GPR6: variants seen among roughly 807,000 people sequenced by gnomAD.
GPR6 encodes the protein G protein-coupled receptor 6, also known as sphingosine 1-phosphate receptor GPR6.
Under a neutral mutation model 18.5 loss-of-function variants are expected in GPR6, and 14 were observed. The observed-to-expected ratio is 0.76, with a 90% CI of 0.50 to 1.18. The LOEUF is 1.18. Ranked by LOEUF, GPR6 falls within the 50% of genes most tolerant of loss-of-function variation. GPR6 has a pLI of 0.00. For synonymous variants in GPR6, 299 were observed against 240.9 expected, an observed-to-expected ratio of 1.24 and a Z score of -2.23; for missense variants, 477 against 495.9, an observed-to-expected ratio of 0.96 and a Z score of 0.36.
rs1771041728 is a variant in GPR6, at chr6:109,979,783, G to C, written c.671G>C (p.Arg224Pro). 4 of 1,598,256 alleles carry C rather than the reference G, an allele frequency of 2.5e-6. No homozygotes were observed. The highest frequency in any genetic ancestry group is 3.4e-6 in the Non-Finnish European group (4 of 1,176,716). ...TGCAGCGTGGTGCGCCCGCTGGCGC[G>C]CAGCCACGTGGCTCTGCTCTCCGCC... ...AACSVVRPLA[R>P]SHVALLSAAF... Residue 224 changes from arginine (R) to proline (P), a missense_variant, in exon 2 of 2, where the codon CGC becomes CCC. Arg to Pro is a moderately radical substitution (Grantham distance 103). Coordinates refer to ENST00000275169, the MANE Select transcript of GPR6 (RefSeq NM_005284.5).
intron 1 of GPR6, 33 bp downstream of exon 1, chr6:109,978,500 A>C: frequency 2.2e-6 from 1 of 450,782 alleles, no homozygotes; most frequent in Non-Finnish European, 4.0e-6. Flanking sequence ...AACTTTGAGG[A>C]TGTGGGGAGA....
intron 1 of GPR6, chr6:109,978,788 G>C: frequency 6.5e-7 from 1 of 1,535,750 alleles, no homozygotes; most frequent in South Asian, 1.2e-5. Flanking sequence ...GACACTCCTA[G>C]CTTGGTGCAC....
Position 109,979,571 on chromosome 6 carries a change from C to A in GPR6, c.459C>A (p.Ala153=), listed in dbSNP as rs145599850. Residue 153 remains alanine, a synonymous_variant, in exon 2 of 2, where the codon GCC becomes GCA. Transcript: ENST00000275169. The part of the protein sequence containing the change: ...LTVGFLVASF[A]ASVSSLLAIT... ...TGGGCTTCCTCGTGGCCTCCTTCGC[C>A]GCCTCTGTCAGCAGCCTGCTGGCCA... 5.0e-6 allele frequency: 8 copies of A among 1,612,622 alleles called. No homozygotes were observed. The highest frequency in any genetic ancestry group is 6.8e-6 in the Non-Finnish European group (8 of 1,180,030).
At chr6:109,978,862 T>G in intron 1 of GPR6, 3 of 1,533,922 alleles carry the variant, frequency 2.0e-6, no homozygotes, top group Non-Finnish European at 2.6e-6. Flanking sequence ...GAGTGCATGT[T>G]GTCCTGGTGT....
In GPR6 at chr6:109,978,487, G is replaced by C. The variant is rs931528155; in HGVS notation, c.-19+20G>C. The C allele has an allele frequency of 3.9e-5, 16 of 412,778 alleles. No individual in the cohort carries two copies. The highest frequency in any genetic ancestry group is 7.0e-5 in the Non-Finnish European group (16 of 229,122). 25.6% of individuals were successfully genotyped at this position (412,778 alleles called of 1,614,324 possible). On this transcript the variant is annotated intron_variant, in intron 1 of 1. Coordinates refer to ENST00000275169, the MANE Select transcript of GPR6 (RefSeq NM_005284.5). Reference sequence around the variant, plus strand: ...CCCCAGGTGAGTGGCCGAGTTCCCAGGGAACTTTGAGGATGTGGGGAGAGG... The same window carrying C: ...CCCCAGGTGAGTGGCCGAGTTCCCACGGAACTTTGAGGATGTGGGGAGAGG...
rs781057987 is a variant in GPR6 at position 109,979,493 on chromosome 6, G to A, written c.381G>A (p.Leu127=). Reference sequence around the variant, plus strand: ...TGTTGGCGGGCTGTGGCCTCATCTTGCACTTTGTGTTCCAGTACTTGGTGC... The same window carrying A: ...TGTTGGCGGGCTGTGGCCTCATCTTACACTTTGTGTTCCAGTACTTGGTGC... ...ADLLAGCGLI[L]HFVFQYLVPS... The change falls in exon 2 of 2, where the codon TTG becomes TTA. Residue 127 remains leucine, a synonymous_variant. Transcript: ENST00000275169. 2 of 1,613,330 alleles carry A rather than the reference G, an allele frequency of 1.2e-6. No individual in the cohort carries two copies. The highest frequency in any genetic ancestry group is 3.3e-5 in the Admixed American group (2 of 60,026).
intron 1 of GPR6, 161 bp downstream of exon 1, chr6:109,978,628 C>T: frequency 1.1e-6 from 1 of 922,368 alleles, no homozygotes; most frequent in Admixed American, 2.4e-5. Context: ...TCCCAGACCC[C>T]CTTCGCAGGG....
intron 1 of GPR6, 87 bp from the exon 2 acceptor site, chr6:109,979,008 G>A (rs1771007070): frequency 6.5e-7 from 1 of 1,541,738 alleles, no homozygotes; most frequent in East Asian, 2.3e-5. Flanking sequence ...ACTCAAGTGG[G>A]GCAATGCGAG....
In GPR6 at chr6:109,980,197, T is replaced by C; in HGVS notation, c.1085T>C (p.Val362Ala). 2 of 1,614,160 alleles carry C rather than the reference T, an allele frequency of 1.2e-6. No individual in the cohort carries two copies. Among genetic ancestry groups the C allele is most frequent in the Non-Finnish European group, 1.7e-6 (2 of 1,180,042 alleles). ...VPFRSRSPSEV is the reference protein window; with the variant it reads ...VPFRSRSPSEA ...TTTCGTTCCAGGTCTCCCAGCGAGG[T>C]CTGAAGGGCTCGCCCCGTGTCCTCT... Residue 362 changes from valine (V) to alanine (A), a missense_variant, in exon 2 of 2, where the codon GTC (valine) becomes GCC (alanine). Coordinates refer to ENST00000275169, the MANE Select transcript of GPR6 (RefSeq NM_005284.5).
In GPR6 at chr6:109,979,770, C is replaced by A; in HGVS notation, c.658C>A (p.Arg220Ser). The change falls in exon 2 of 2, where the codon CGC becomes AGC. Residue 220 changes from arginine to serine, a missense_variant. Transcript: ENST00000275169. ...LAERAACSVV[R>S]PLARSHVALL... ...AGAGCGCGCCGCCTGCAGCGTGGTGCGCCCGCTGGCGCGCAGCCACGTGGC... is the reference window on the plus strand; with the variant it reads ...AGAGCGCGCCGCCTGCAGCGTGGTGAGCCCGCTGGCGCGCAGCCACGTGGC... 1 of 1,597,316 alleles carries A rather than the reference C, an allele frequency of 6.3e-7. No homozygotes were observed. Among genetic ancestry groups the A allele is most frequent in the East Asian group, 2.3e-5 (1 of 44,428 alleles).
intron 1 of GPR6, 142 bp downstream of exon 1, chr6:109,978,609 A>T: frequency 1.4e-6 from 1 of 720,120 alleles, no homozygotes; most frequent in Non-Finnish European, 2.3e-6. Flanking sequence ...CACACACCCT[A>T]GTCTCTCCTC....
In GPR6 at chr6:109,980,214, G is replaced by T. The variant is rs751772777; in HGVS notation, c.*13G>T. ...CAGCGAGGTCTGAAGGGCTCGCCCC[G>T]TGTCCTCTCACCAACACCACACCCC... On this transcript the variant is annotated 3_prime_UTR_variant, in exon 2 of 2. Transcript: ENST00000275169. 1 of 1,614,034 alleles carries T rather than the reference G, an allele frequency of 6.2e-7. No homozygotes were observed. The highest frequency in any genetic ancestry group is 8.5e-7 in the Non-Finnish European group (1 of 1,179,990).
Position 109,980,607 on chromosome 6 carries a change from G to C in GPR6, c.*406G>C. 1 of 207,466 alleles carries C rather than the reference G, an allele frequency of 4.8e-6. No homozygotes were observed. Among genetic ancestry groups the C allele is most frequent in the South Asian group, 1.2e-4 (1 of 8,262 alleles). The allele number at this position is 207,466 out of a possible 1,614,324, so 12.9% of individuals were successfully genotyped here. A position where few individuals can be genotyped will look rare whatever the true frequency, so the allele number is the denominator to read the frequency against. Reference sequence around the variant, plus strand: ...ACAGTGTTGCCATTTTCAAGGGCAGGGAAAAGGGAGTAAAAGGTGTATTTT... The same window carrying C: ...ACAGTGTTGCCATTTTCAAGGGCAGCGAAAAGGGAGTAAAAGGTGTATTTT... On this transcript the variant is annotated 3_prime_UTR_variant, in exon 2 of 2. Transcript: ENST00000275169.
Position 109,979,086 on chromosome 6 carries a change from C to A in GPR6, c.-18-9C>A. On this transcript the variant is annotated splice_polypyrimidine_tract_variant and intron_variant, in intron 1 of 1. Coordinates refer to ENST00000275169, the MANE Select transcript of GPR6 (RefSeq NM_005284.5). ...GTACACCTGACGCCTGCACTCCCTC[C>A]CTATGCAGGGTGCAAATCCGGCCGC... 1.3e-6 allele frequency: 2 copies of A among 1,560,916 alleles called. No individual in the cohort carries two copies. Among genetic ancestry groups the A allele is most frequent in the African/African-American group, 1.4e-5 (1 of 72,982 alleles).
Position 109,979,421 on chromosome 6 carries a change from G to A in GPR6, c.309G>A (p.Leu103=). ...CGCTCATCGCGTCCACTCCGGCGCTGCGCACGCCCATGTTCGTGCTGGTAG... is the reference window on the plus strand; with the variant it reads ...CGCTCATCGCGTCCACTCCGGCGCTACGCACGCCCATGTTCGTGCTGGTAG... ...VVALIASTPA[L]RTPMFVLVGS... Residue 103 remains leucine (L), a synonymous_variant, in exon 2 of 2, where the codon CTG becomes CTA. Transcript: ENST00000275169. The A allele has an allele frequency of 1.2e-6, 2 of 1,613,394 alleles. No homozygotes were observed. Among genetic ancestry groups the A allele is most frequent in the Non-Finnish European group, 8.5e-7 (1 of 1,179,992 alleles).
At position 109,979,202 on chromosome 6, in the gene GPR6, G is replaced by A. The variant is rs775150720; in HGVS notation, c.90G>A (p.Gly30=). ...GAAAAATAAG[G]PDTGEWGPPA... is the part of the protein sequence containing the mutation. ...CGGCGGCGGCCACAGCAGCAGGGGG[G>A]CCGGACACGGGCGAATGGGGACCCC... Residue 30 remains glycine, a synonymous_variant, in exon 2 of 2, where the codon GGG becomes GGA. Transcript: ENST00000275169. 1.3e-6 allele frequency: 2 copies of A among 1,598,358 alleles called. No individual in the cohort carries two copies. Among genetic ancestry groups the A allele is most frequent in the Non-Finnish European group, 1.7e-6 (2 of 1,177,230 alleles).
Position 109,979,847 on chromosome 6 carries a change from C to T in GPR6, c.735C>T (p.Tyr245=), listed in dbSNP as rs756265466. 43 of 1,607,918 alleles carry T rather than the reference C, an allele frequency of 2.7e-5. No individual in the cohort carries two copies. The highest frequency in any genetic ancestry group is 3.5e-5 in the Non-Finnish European group (41 of 1,179,694). The change falls in exon 2 of 2, where the codon TAC becomes TAT. Residue 245 remains tyrosine, a synonymous_variant. Coordinates refer to ENST00000275169, the MANE Select transcript of GPR6 (RefSeq NM_005284.5). ...FMVFGIMLHL[Y]VRICQVVWRH... ...TCTTCGGCATCATGCTGCACCTGTACGTGCGCATCTGCCAGGTGGTCTGGC... is the reference window on the plus strand; with the variant it reads ...TCTTCGGCATCATGCTGCACCTGTATGTGCGCATCTGCCAGGTGGTCTGGC...
chr6:109,980,438 T>G lies in GPR6; in HGVS notation c.*237T>G. The G allele has an allele frequency of 1.7e-6, 1 of 572,778 alleles. No individual in the cohort carries two copies. Among genetic ancestry groups the G allele is most frequent in the Non-Finnish European group, 3.1e-6 (1 of 327,302 alleles). The allele number at this position is 572,778 out of a possible 1,614,324, so 35.5% of individuals were successfully genotyped here. A position where few individuals can be genotyped will look rare whatever the true frequency, so the allele number is the denominator to read the frequency against. On this transcript the variant is annotated 3_prime_UTR_variant, in exon 2 of 2. Coordinates refer to ENST00000275169, the MANE Select transcript of GPR6 (RefSeq NM_005284.5). Reference sequence around the variant, plus strand: ...CAAATATTTGTATCTTCTGGAGGTGTTCAGGATGTGGAGCTTCCTATTCTG... The same window carrying G: ...CAAATATTTGTATCTTCTGGAGGTGGTCAGGATGTGGAGCTTCCTATTCTG...
chr6:109,978,644 T>A, intron 1 of GPR6, 177 bp downstream of exon 1: 1 of 1,154,194 alleles, frequency 8.7e-7, no homozygotes, highest in Non-Finnish European at 1.2e-6. Context: ...CAGGGGTCTC[T>A]GGGCTCCAGG....
Sources: allele counts gnomAD v4.1 joint callset, GRCh38; gene constraint gnomAD v4.1.1; transcripts MANE v1.5; gene names NCBI Gene and HGNC (gene_info 2026-07-23, HGNC 2026-07-21).